The following MANBA variants were observed in gnomAD, a reference collection of about 807,000 sequenced individuals.
MANBA encodes beta-mannosidase.
Under a neutral mutation model 111.1 loss-of-function variants are expected in MANBA, and 83 were observed. The observed-to-expected ratio is 0.75, with a 90% CI of 0.63 to 0.90. The LOEUF is 0.90. Among genes scored for constraint, MANBA ranks in the 40% least tolerant of loss-of-function variants. MANBA has a pLI of 0.00. For synonymous variants in MANBA, 370 were observed against 378.7 expected, an observed-to-expected ratio of 0.98 and a Z score of 0.27; for missense variants, 1,036 against 1,069.0, an observed-to-expected ratio of 0.97 and a Z score of 0.43.
At chr4:102,715,552 T>C (rs998599871) in intron 4 of MANBA, among the ~76,000 whole-genome samples, 5 of 152,118 alleles carry the variant, frequency 3.3e-5, no homozygotes, top group African/African-American at 4.8e-5. Flanking sequence ...ATAGGTAAAC[T>C]TGTGTCATGG....
At chr4:102,664,981 G>T in intron 10 of MANBA, 129 bp from the exon 11 acceptor site, 1 of 684,446 alleles carries the variant, frequency 1.5e-6, no homozygotes, top group South Asian at 1.8e-5. Context: ...AACCTAATTT[G>T]AAAATGGCTA....
At chr4:102,732,244 A>AGG (rs1448561241) in intron 1 of MANBA, among the ~76,000 whole-genome samples, 1 of 152,200 alleles carries the variant, frequency 6.6e-6, no homozygotes. Context: ...AGGAATACTC[A>AGG]AGACAGGAGG....
chr4:102,644,405 G>A (rs1468023274), intron 13 of MANBA, among the ~76,000 whole-genome samples: 1 of 152,066 alleles, frequency 6.6e-6, no homozygotes, highest in Non-Finnish European at 1.5e-5. Flanking sequence ...TAAAGAAAAT[G>A]TGATACATAT....
At chr4:102,726,514 C>T (rs1187620137) in intron 2 of MANBA, 75 bp downstream of exon 2, 1 of 791,822 alleles carries the variant, frequency 1.3e-6, no homozygotes, top group East Asian at 2.6e-5. Context: ...ACAAACAAAA[C>T]ACAACATTTT....
At chr4:102,679,747 A>G (rs1204901737) in intron 7 of MANBA, 1 of 152,152 alleles carries the variant, frequency 6.6e-6, no homozygotes, top group African/African-American at 2.4e-5. Context: ...TTAACTCAGA[A>G]ATGTTCTTCC....
Position 102,684,465 on chromosome 4 carries a change from C to T in MANBA, c.960+5109G>A, listed in dbSNP as rs546842191. 8.5e-5 allele frequency among the ~76,000 whole-genome samples: 13 copies of T among 152,256 alleles called. No homozygotes were observed. The East Asian group carries it at 9.6e-4, about 11-fold the overall frequency. On this transcript the variant is annotated intron_variant, in intron 7 of 16. Coordinates refer to ENST00000647097, the MANE Select transcript of MANBA (RefSeq NM_005908.4). ...GCCATTCCACTCCCAGCAGACATGCCGTTGGGGGCATATGTGCTCCGAGTG... is the reference window on the plus strand; with the variant it reads ...GCCATTCCACTCCCAGCAGACATGCTGTTGGGGGCATATGTGCTCCGAGTG...
chr4:102,656,763 C>G (rs1404215548), intron 12 of MANBA, among the ~76,000 whole-genome samples: 1 of 152,074 alleles, frequency 6.6e-6, no homozygotes, highest in Non-Finnish European at 1.5e-5. Flanking sequence ...AAAAAAGGAA[C>G]ATACTAATAC....
At chr4:102,735,831 A>C (rs1259385835) in intron 1 of MANBA, among the ~76,000 whole-genome samples, 1 of 152,224 alleles carries the variant, frequency 6.6e-6, no homozygotes, top group Non-Finnish European at 1.5e-5. Flanking sequence ...AAACACGTAC[A>C]GTAAATACCA....
intron 10 of MANBA, chr4:102,667,424 A>G (rs999754263): frequency 1.3e-5 from 2 of 152,356 alleles, no homozygotes; most frequent in Non-Finnish European, 2.9e-5. Context: ...GGGAGGTGAG[A>G]AAGAAGAAAG....
chr4:102,734,965 C>T (rs1723157818), intron 1 of MANBA, among the ~76,000 whole-genome samples: 1 of 152,212 alleles, frequency 6.6e-6, no homozygotes, highest in Non-Finnish European at 1.5e-5. Context: ...GTTTACATTA[C>T]ATTTTGGAGT....
At chr4:102,674,565 C>A (rs1020756727) in intron 7 of MANBA, among the ~76,000 whole-genome samples, 1 of 152,164 alleles carries the variant, frequency 6.6e-6, no homozygotes, top group Non-Finnish European at 1.5e-5. Context: ...TAATTTAATC[C>A]TAATTACACA....
Position 102,760,784 on chromosome 4 carries a change from C to A in MANBA, c.111G>T (p.Ser37=), listed in dbSNP as rs927918838. ...GNWSICNGNG[S]LELPGAVPGC... is the part of the protein sequence containing the mutation. ...CAGGGACCGCCCCGGGCAGCTCCAG[C>A]GAGCCGTTCCCATTGCAGATGCTCC... The change falls in exon 1 of 17, where the codon TCG becomes TCT. Residue 37 remains serine, a synonymous_variant. Transcript: ENST00000647097. 3.9e-6 allele frequency: 6 copies of A among 1,552,128 alleles called. No individual in the cohort carries two copies. Among genetic ancestry groups the A allele is most frequent in the Middle Eastern group, 3.5e-4 (2 of 5,776 alleles).
In MANBA at chr4:102,730,011, T is replaced by C. The variant is rs189778897; in HGVS notation, c.178-3328A>G. On this transcript the variant is annotated intron_variant, in intron 1 of 16. Coordinates refer to ENST00000647097, the MANE Select transcript of MANBA (RefSeq NM_005908.4). ...GCCACCCACGCTGCTGCCCTCACCA[T>C]AGCCTCCGCCCAGACAACCTTGGAA... 8.5e-4 allele frequency: 713 copies of C among 834,388 alleles called. 7 individuals are homozygous for C. In the African/African-American group the frequency reaches 0.011, roughly 13 times the overall value. The allele number at this position is 834,388 out of a possible 1,614,324, so 51.7% of individuals were successfully genotyped here. A position where few individuals can be genotyped will look rare whatever the true frequency, so the allele number is the denominator to read the frequency against.
intron 14 of MANBA, 128 bp from the exon 15 acceptor site, chr4:102,636,135 G>A: frequency 1.3e-6 from 1 of 798,142 alleles, no homozygotes; most frequent in Non-Finnish European, 2.1e-6. Context: ...AGTCAACAGT[G>A]GAGGGCACCC....
intron 1 of MANBA, among the ~76,000 whole-genome samples, chr4:102,757,593 A>T (rs1311411837): frequency 6.6e-6 from 1 of 152,184 alleles, no homozygotes; most frequent in Non-Finnish European, 1.5e-5. Flanking sequence ...TTGTTTCTAC[A>T]TGTAAAACGT....
chr4:102,754,428 A>G (rs1723927791), intron 1 of MANBA, among the ~76,000 whole-genome samples: 1 of 152,234 alleles, frequency 6.6e-6, no homozygotes, highest in South Asian at 2.1e-4. Context: ...ACAGATTATA[A>G]CTGATGGTAA....
Position 102,654,085 on chromosome 4 carries a change from T to C in MANBA, c.1705-3384A>G, listed in dbSNP as rs990390728. On this transcript the variant is annotated intron_variant, in intron 12 of 16. Transcript: ENST00000647097. ...TCTATCTGTGACCTCTTGCAGTACT[T>C]TGATTTCCCCCTGGGTCTCAAAGTG... Among the ~76,000 whole-genome samples, 12 of 152,316 alleles carry C rather than the reference T, an allele frequency of 7.9e-5. No homozygotes were observed. In the South Asian group the frequency reaches 1.7e-3, roughly 21 times the overall value.
chr4:102,687,016 T>C (rs1319921123), intron 7 of MANBA, among the ~76,000 whole-genome samples: 1 of 152,144 alleles, frequency 6.6e-6, no homozygotes, highest in African/African-American at 2.4e-5. Flanking sequence ...CATCTAACAC[T>C]GAAATAATTT....
chr4:102,751,601 C>T (rs2110211565), intron 1 of MANBA: 2 of 539,878 alleles, frequency 3.7e-6, no homozygotes, highest in Non-Finnish European at 7.6e-6. Flanking sequence ...TGTCCTTGGT[C>T]AAACACATGG....
Sources: gnomAD v4.1 joint callset for allele counts (sites outside exome capture counted in the v4.1 genomes callset) on GRCh38, gnomAD v4.1.1 for gene constraint, MANE v1.5 for transcripts, NCBI Gene and HGNC (gene_info 2026-07-23, HGNC 2026-07-21) for gene names.